Variants in KIF18A observed in about 807,000 individuals in gnomAD.
KIF18A encodes kinesin family member 18A.
A neutral mutation model predicts 103.3 loss-of-function variants in KIF18A; 67 were observed. The ratio of observed to expected loss-of-function variants is 0.65; its 90% CI spans 0.53 to 0.79. The LOEUF (loss-of-function observed/expected upper bound fraction) is 0.79, where lower values mean the gene tolerates loss of function less well. Among genes scored for constraint, KIF18A ranks in the 30% least tolerant of loss-of-function variants. KIF18A has a pLI of 0.00. For missense variants in KIF18A, 1,032 were observed against 1,062.5 expected, an observed-to-expected ratio of 0.97 and a Z score of 0.40; for synonymous variants, 367 against 355.5, an observed-to-expected ratio of 1.03 and a Z score of -0.36.
intron 11 of KIF18A, among the ~76,000 whole-genome samples, chr11:28,067,036 A>G (rs1850940554): frequency 6.6e-6 from 1 of 151,888 alleles, no homozygotes; most frequent in Non-Finnish European, 1.5e-5. Context: ...ATGACAAATT[A>G]AGACATCAAT....
chr11:28,106,728 T>C (rs1851518838), intron 1 of KIF18A, among the ~76,000 whole-genome samples: 1 of 152,076 alleles, frequency 6.6e-6, no homozygotes, highest in Non-Finnish European at 1.5e-5. Context: ...TCCTGCACTT[T>C]AGGAGGCCGA....
chr11:28,076,870 G>A, intron 10 of KIF18A, 137 bp downstream of exon 10: 1 of 435,662 alleles, frequency 2.3e-6, no homozygotes. Flanking sequence ...GAAGGCAGAG[G>A]TTGCAGTGAG....
chr11:28,045,112 G>C (rs1310563900), intron 13 of KIF18A, among the ~76,000 whole-genome samples: 1 of 151,950 alleles, frequency 6.6e-6, no homozygotes, highest in Non-Finnish European at 1.5e-5. Context: ...TGTAATAAAA[G>C]CAATAAATTG....
chr11:28,103,732 G>T (rs764143865), intron 1 of KIF18A, among the ~76,000 whole-genome samples: 1 of 151,930 alleles, frequency 6.6e-6, no homozygotes, highest in Non-Finnish European at 1.5e-5. Context: ...ACTTAGAGTA[G>T]AAGGAAAAAG....
intron 10 of KIF18A, among the ~76,000 whole-genome samples, chr11:28,076,233 T>C (rs1851089643): frequency 6.6e-6 from 1 of 152,124 alleles, no homozygotes; most frequent in Admixed American, 6.6e-5. Flanking sequence ...ACTGATTAAA[T>C]GTTTGGTCTG....
chr11:28,049,940 C>T (rs1192223661), intron 13 of KIF18A, among the ~76,000 whole-genome samples: 2 of 151,600 alleles, frequency 1.3e-5, no homozygotes, highest in Non-Finnish European at 3.0e-5. Flanking sequence ...AGATAAGGTA[C>T]CACTAAATTA....
At chr11:28,023,498 G>A (rs1246275187) in intron 16 of KIF18A, among the ~76,000 whole-genome samples, 1 of 152,174 alleles carries the variant, frequency 6.6e-6, no homozygotes, top group Non-Finnish European at 1.5e-5. Context: ...AGAAAGTAGA[G>A]TTTTAAGATC....
intron 15 of KIF18A, among the ~76,000 whole-genome samples, chr11:28,028,599 T>C (rs1379829981): frequency 6.6e-6 from 1 of 151,918 alleles, no homozygotes; most frequent in African/African-American, 2.4e-5. Context: ...ATTGACACCC[T>C]AACATCACAA....
At chr11:28,065,681 C>T (rs1015154755) in intron 11 of KIF18A, among the ~76,000 whole-genome samples, 2 of 151,866 alleles carry the variant, frequency 1.3e-5, no homozygotes, top group Non-Finnish European at 2.9e-5. Context: ...TGGAAGCTTA[C>T]GGTAATGTGG....
rs141808628 is a variant in KIF18A at position 28,039,548 on chromosome 11, C to T, written c.1949-2884G>A. Among the ~76,000 whole-genome samples the T allele has an allele frequency of 4.7e-3, 719 of 151,830 alleles. 6 individuals carry two copies. Among genetic ancestry groups the T allele is most frequent in the African/African-American group, 0.016 (678 of 41,482 alleles). ...GAGTGGCAACTGGGCAAATTCCCAT[C>T]ATGGTGGACCACATTTTCCCTACTG... is the stretch of plus-strand genomic sequence containing the variant. On this transcript the variant is annotated intron_variant, in intron 13 of 16. Transcript: ENST00000263181.
chr11:28,024,189 G>T (rs1024379345), intron 15 of KIF18A, among the ~76,000 whole-genome samples: 1 of 78,648 alleles, frequency 1.3e-5, no homozygotes, highest in Non-Finnish European at 2.6e-5. Flanking sequence ...GTCACAAGAG[G>T]TTAAAAAAAA....
At chr11:28,047,512 G>A (rs117739682) in intron 13 of KIF18A, among the ~76,000 whole-genome samples, 218 of 152,136 alleles carry the variant, frequency 1.4e-3, no homozygotes, top group Non-Finnish European at 2.6e-3. Context: ...CAAACAACCA[G>A]AATTTAGTAC....
chr11:28,082,569 T>C (rs1294119673), intron 9 of KIF18A, among the ~76,000 whole-genome samples: 3 of 152,158 alleles, frequency 2.0e-5, no homozygotes, highest in Admixed American at 6.6e-5. Flanking sequence ...TAATAGACTA[T>C]AGTGTAGTGT....
chr11:28,066,610 T>A (rs1374662012), intron 11 of KIF18A, among the ~76,000 whole-genome samples: 1 of 151,720 alleles, frequency 6.6e-6, no homozygotes, highest in Non-Finnish European at 1.5e-5. Context: ...ATATTCTTAA[T>A]CTTGTGTCAA....
chr11:28,059,090 G>C lies in KIF18A; in HGVS notation c.1784C>G (p.Ala595Gly). 1 of 1,613,970 alleles carries C rather than the reference G, an allele frequency of 6.2e-7. No homozygotes were observed. Among genetic ancestry groups the C allele is most frequent in the Non-Finnish European group, 8.5e-7 (1 of 1,179,936 alleles). ...CTLKEAGLSN[A>G]AFESDFKEIE... ...CTCTTTGAAGTCAGATTCAAAAGCA[G>C]CATTTGACAGGCCGGCTTCTTTTAA... Residue 595 changes from alanine to glycine, a missense_variant, in exon 13 of 17, where the codon GCT becomes GGT. Physicochemically the swap from Ala to Gly is moderately conservative, Grantham distance 60. Coordinates refer to ENST00000263181, the MANE Select transcript of KIF18A (RefSeq NM_031217.4).
chr11:28,089,886 C>T (rs1851279506), intron 5 of KIF18A, among the ~76,000 whole-genome samples: 1 of 152,136 alleles, frequency 6.6e-6, no homozygotes, highest in Non-Finnish European at 1.5e-5. Flanking sequence ...TCAGAGACAT[C>T]TCAGTTTCAC....
intron 1 of KIF18A, among the ~76,000 whole-genome samples, chr11:28,107,463 T>C (rs2133575155): frequency 6.6e-6 from 1 of 152,144 alleles, no homozygotes; most frequent in South Asian, 2.1e-4. Context: ...CTGCAGAGCA[T>C]TTGCCAAACA....
chr11:28,108,024 T>C (rs142762269), intron 1 of KIF18A, 40 bp downstream of exon 1: 1 of 152,280 alleles, frequency 6.6e-6, no homozygotes, highest in Non-Finnish European at 1.5e-5. Flanking sequence ...TTCCCAATAA[T>C]ACAAGTCACC....
At chr11:28,068,930 C>A (rs558933266) in intron 11 of KIF18A, among the ~76,000 whole-genome samples, 2 of 152,176 alleles carry the variant, frequency 1.3e-5, no homozygotes, top group South Asian at 2.1e-4. Flanking sequence ...ACACACACAC[C>A]CCCTTTCAAA....
Sources: gnomAD v4.1 joint callset for allele counts (sites outside exome capture counted in the v4.1 genomes callset) on GRCh38, gnomAD v4.1.1 for gene constraint, MANE v1.5 for transcripts, NCBI Gene and HGNC (gene_info 2026-07-23, HGNC 2026-07-21) for gene names.